ATXN1: variants seen among roughly 807,000 people sequenced by gnomAD.
ATXN1 encodes ataxin 1, also known as ataxin-1.
ATXN1 carries 8 observed loss-of-function variants against 56.4 expected under a neutral mutation model. That is an observed-to-expected ratio of 0.14 (90% CI 0.08 to 0.26). The LOEUF is 0.26. Ranked by LOEUF, ATXN1 falls within the 10% of genes least tolerant of loss-of-function variation. The pLI is 1.00. For missense variants in ATXN1, 987 were observed against 1,106.5 expected (o/e 0.89, Z 1.53); for synonymous variants, 514 against 494.6 (o/e 1.04, Z -0.52).
chr6:16,656,821 G>A (rs959582441), intron 3 of ATXN1, among the ~76,000 whole-genome samples: 12 of 151,932 alleles, frequency 7.9e-5, no homozygotes, highest in Admixed American at 4.6e-4. Context: ...CCTACTACAC[G>A]CCTGCGCTAT....
Position 16,745,613 on chromosome 6 carries a change from A to C in ATXN1, c.-615+7620T>G, listed in dbSNP as rs145486106. Among the ~76,000 whole-genome samples the C allele has an allele frequency of 3.1e-3, 474 of 152,340 alleles. 4 individuals are homozygous for C. Among genetic ancestry groups the C allele is most frequent in the African/African-American group, 9.7e-3 (403 of 41,570 alleles). On this transcript the variant is annotated intron_variant, in intron 2 of 7. Coordinates refer to ENST00000436367, the MANE Select transcript of ATXN1 (RefSeq NM_001128164.2). The stretch of plus-strand genomic sequence containing the variant: ...TATTATTGTAAGGTTTGGGCAATAC[A>C]TGTTTAAAAACATGGTATTTTTATC...
At chr6:16,547,979 C>T (rs767913374) in intron 4 of ATXN1, among the ~76,000 whole-genome samples, 5 of 152,100 alleles carry the variant, frequency 3.3e-5, no homozygotes, top group Non-Finnish European at 7.4e-5. Flanking sequence ...TGTTGGGTAG[C>T]GGTGGGCTAT....
chr6:16,638,223 C>T (rs1763634790), intron 3 of ATXN1, among the ~76,000 whole-genome samples: 2 of 151,768 alleles, frequency 1.3e-5, no homozygotes, highest in Admixed American at 1.3e-4. Flanking sequence ...AGTGGAGGAT[C>T]GCTTGAGCCC....
At chr6:16,562,459 AGGAGAGGAGAGGAGAGGAGAGGAG>A (rs1762139302) in intron 4 of ATXN1, among the ~76,000 whole-genome samples, 6 of 38,734 alleles carry the variant, frequency 1.5e-4, no homozygotes, top group Non-Finnish European at 3.4e-4. Flanking sequence ...AGAAAAGGAG[AGGAGAGGAGAGGAGAGGAGAGGAG>A]AGGAAAGGAA....
chr6:16,504,114 T>TG (rs2113676863), intron 5 of ATXN1, among the ~76,000 whole-genome samples: 1 of 152,252 alleles, frequency 6.6e-6, no homozygotes, highest in South Asian at 2.1e-4. Flanking sequence ...TAGCAAGAAA[T>TG]GTGGTAAATG....
chr6:16,604,503 A>G (rs1762967528), intron 3 of ATXN1, among the ~76,000 whole-genome samples: 1 of 152,072 alleles, frequency 6.6e-6, no homozygotes, highest in Non-Finnish European at 1.5e-5. Flanking sequence ...TGTATCTAAA[A>G]AAAAGAAAAC....
intron 6 of ATXN1, among the ~76,000 whole-genome samples, chr6:16,484,875 G>A (rs1236378486): frequency 6.7e-6 from 1 of 149,810 alleles, no homozygotes; most frequent in African/African-American, 2.5e-5. Context: ...GTAGGCAACT[G>A]CAAAAAAAAT....
At chr6:16,519,830 TCCA>T (rs1361161205) in intron 5 of ATXN1, among the ~76,000 whole-genome samples, 1 of 152,200 alleles carries the variant, frequency 6.6e-6, no homozygotes, top group African/African-American at 2.4e-5. Context: ...CTCATCAAGT[TCCA>T]AGATGGACCG....
At chr6:16,705,917 T>C (rs1441207831) in intron 2 of ATXN1, among the ~76,000 whole-genome samples, 1 of 152,052 alleles carries the variant, frequency 6.6e-6, no homozygotes, top group Non-Finnish European at 1.5e-5. Flanking sequence ...TTCACATCCC[T>C]ACAGTCCTTG....
chr6:16,726,593 G>A (rs143955086), intron 2 of ATXN1, among the ~76,000 whole-genome samples: 5 of 151,802 alleles, frequency 3.3e-5, no homozygotes, highest in East Asian at 2.0e-4. Flanking sequence ...GGCCGGGCCC[G>A]GTAGCTCACA....
At chr6:16,743,011 A>T (rs1760395199) in intron 2 of ATXN1, among the ~76,000 whole-genome samples, 1 of 152,254 alleles carries the variant, frequency 6.6e-6, no homozygotes. Flanking sequence ...GAGACTGATC[A>T]AAGTCAGAAA....
At chr6:16,395,429 C>T (rs150977786) in intron 6 of ATXN1, among the ~76,000 whole-genome samples, 5 of 152,100 alleles carry the variant, frequency 3.3e-5, no homozygotes, top group South Asian at 2.1e-4. Context: ...GGGTCAGCCG[C>T]GGATTGCATA....
chr6:16,547,091 C>T (rs562640599), intron 4 of ATXN1, among the ~76,000 whole-genome samples: 1 of 152,302 alleles, frequency 6.6e-6, no homozygotes, highest in African/African-American at 2.4e-5. Context: ...TGTGGACTTG[C>T]CAAATCCCTG....
intron 3 of ATXN1, among the ~76,000 whole-genome samples, chr6:16,621,668 G>A (rs62389048): frequency 1.3e-5 from 2 of 152,150 alleles, no homozygotes; most frequent in Admixed American, 1.3e-4. Context: ...AGCCAAGATC[G>A]TGCCACTGCA....
rs187499960 is a variant in ATXN1, at chr6:16,399,009, C to G, written c.-160-70539G>C. On this transcript the variant is annotated intron_variant, in intron 6 of 7. Transcript: ENST00000436367. ...ATCGTGTGCTATTCCATTAAACATG[C>G]CTCCGTCTCACGACTCCAGCCAGGG... Among the ~76,000 whole-genome samples the G allele has an allele frequency of 9.7e-3, 1,478 of 152,314 alleles. 13 individuals carry two copies. Among genetic ancestry groups the G allele is most frequent in the Non-Finnish European group, 0.014 (941 of 68,034 alleles).
chr6:16,745,933 C>CCT (rs1345781976), intron 2 of ATXN1, among the ~76,000 whole-genome samples: 2 of 147,128 alleles, frequency 1.4e-5, no homozygotes, highest in Non-Finnish European at 3.0e-5. Context: ...CTATGCCTTC[C>CCT]GTGTGTGTGT....
intron 2 of ATXN1, among the ~76,000 whole-genome samples, chr6:16,741,233 C>T (rs1463683753): frequency 6.6e-6 from 1 of 152,202 alleles, no homozygotes. Flanking sequence ...CTAAGGCACT[C>T]TGAATTCTGT....
intron 1 of ATXN1, chr6:16,754,091 C>G (rs903133508): frequency 3.0e-4 from 45 of 152,102 alleles, no homozygotes; most frequent in African/African-American, 1.1e-3. Context: ...TGAGGTAAAA[C>G]CTATGCATAG....
intron 7 of ATXN1, among the ~76,000 whole-genome samples, chr6:16,311,873 G>A (rs890747044): frequency 2.6e-5 from 4 of 152,156 alleles, no homozygotes; most frequent in East Asian, 1.9e-4. Flanking sequence ...CCAGAGTTGC[G>A]GTTTGCTTAT....
Sources: gnomAD v4.1 joint callset for allele counts (sites outside exome capture counted in the v4.1 genomes callset) on GRCh38, gnomAD v4.1.1 for gene constraint, MANE v1.5 for transcripts, NCBI Gene and HGNC (gene_info 2026-07-23, HGNC 2026-07-21) for gene names.